Variants in FLNB observed in about 807,000 individuals in gnomAD.
FLNB encodes the protein filamin B, also known as filamin-B.
FLNB carries 111 observed loss-of-function variants against 250.6 expected under a neutral mutation model. The observed-to-expected ratio is 0.44, with a 90% CI of 0.38 to 0.52. The LOEUF (loss-of-function observed/expected upper bound fraction) is 0.52, where lower values mean the gene tolerates loss of function less well. Among genes scored for constraint, FLNB ranks in the 20% least tolerant of loss-of-function variants. The pLI is 0.00. For synonymous variants in FLNB, 1,302 were observed against 1,372.1 expected, an observed-to-expected ratio of 0.95 and a Z score of 1.13; for missense variants, 2,869 against 3,447.8, an observed-to-expected ratio of 0.83 and a Z score of 4.20.
chr3:58,157,885 C>T (rs1172764661), intron 41 of FLNB, among the ~76,000 whole-genome samples: 2 of 152,232 alleles, frequency 1.3e-5, no homozygotes, highest in African/African-American at 2.4e-5. Flanking sequence ...CAGGCTGTTT[C>T]TTAAGCTTTT....
At chr3:58,012,209 CAA>C (rs10608167) in intron 1 of FLNB, among the ~76,000 whole-genome samples, 2,365 of 105,896 alleles carry the variant, frequency 0.022, 50 homozygotes, top group African/African-American at 0.08. Flanking sequence ...GACTCTGACT[CAA>C]AAAAAAAAAA....
At chr3:58,120,802 T>C (rs1479417129) in intron 19 of FLNB, among the ~76,000 whole-genome samples, 1 of 152,192 alleles carries the variant, frequency 6.6e-6, no homozygotes, top group Non-Finnish European at 1.5e-5. Flanking sequence ...CAGCAAAGAT[T>C]GTGGGGTCAG....
At position 58,097,940 on chromosome 3, in the gene FLNB, C is replaced by G; in HGVS notation, c.1110C>G (p.Ile370Met). The G allele has an allele frequency of 6.2e-7, 1 of 1,614,106 alleles. No homozygotes were observed. The highest frequency in any genetic ancestry group is 8.5e-7 in the Non-Finnish European group (1 of 1,180,004). ...CAGGGTTGGAAGCTGTAGGGAACAT[C>G]GCCAATAAGCCCACCTACTTTGACA... ...KGPGLEAVGN[I>M]ANKPTYFDIY... Residue 370 changes from isoleucine (I) to methionine (M), a missense_variant, in exon 7 of 46, where the codon ATC becomes ATG. Ile to Met is a conservative substitution (Grantham distance 10). This residue lies in a region of FLNB where 1,348 missense variants were observed against 1,466.7 expected (regional missense o/e 0.92). Transcript: ENST00000295956.
At position 58,171,123 on chromosome 3, in the gene FLNB, T is replaced by C. The variant is rs1559747368; in HGVS notation, c.*361T>C. ...TGAGCTGCTGGTTCACTCTTCAGCA[T>C]TTATGAAACAAGGCTAGGGGAAGAT... On this transcript the variant is annotated 3_prime_UTR_variant, in exon 46 of 46. Transcript: ENST00000295956. The surrounding 1 kb of genome is among the most constrained non-coding windows in gnomAD (Gnocchi z 5.5). 3.8e-6 allele frequency: 1 copy of C among 259,880 alleles called. No homozygotes were observed. The highest frequency in any genetic ancestry group is 7.4e-6 in the Non-Finnish European group (1 of 134,446). The allele number at this position is 259,880 out of a possible 1,614,324, so 16.1% of individuals were successfully genotyped here.
At chr3:58,056,133 A>C (rs2097170209) in intron 1 of FLNB, among the ~76,000 whole-genome samples, 1 of 146,116 alleles carries the variant, frequency 6.8e-6, no homozygotes, top group Non-Finnish European at 1.5e-5. Context: ...GTGGAGTCTC[A>C]CTCTGTCGCC....
At chr3:58,021,002 A>C (rs887443906) in intron 1 of FLNB, among the ~76,000 whole-genome samples, 2 of 152,044 alleles carry the variant, frequency 1.3e-5, no homozygotes, top group Non-Finnish European at 2.9e-5. Flanking sequence ...TTGGTGGCTA[A>C]AATAGGATTT....
rs138957329 is a variant in FLNB at position 58,060,352 on chromosome 3, C to CT, written c.293-16675dup. Among the ~76,000 whole-genome samples the CT allele has an allele frequency of 4.7e-3, 642 of 136,062 alleles. 4 individuals carry two copies. Among genetic ancestry groups the CT allele is most frequent in the African/African-American group, 0.012 (453 of 36,680 alleles). The allele number at this position is 136,062 out of a possible 152,430, so 89.3% of individuals were successfully genotyped here. A position where few individuals can be genotyped will look rare whatever the true frequency, so the allele number is the denominator to read the frequency against. On this transcript the variant is annotated intron_variant, in intron 1 of 45. Transcript: ENST00000295956. ...GGCAACATGGTGAGACCCTGTCTCT[C>CT]TTTTTTTTTTTTTTTTTTTGAGATG...
At chr3:58,163,618 C>T (rs1046778056) in intron 43 of FLNB, 10 of 460,742 alleles carry the variant, frequency 2.2e-5, no homozygotes, top group African/African-American at 2.0e-4. Context: ...GAACAGGATG[C>T]TGATAGTCAG....
chr3:58,114,629 G>A (rs1414365981), intron 18 of FLNB, among the ~76,000 whole-genome samples: 1 of 151,690 alleles, frequency 6.6e-6, no homozygotes, highest in East Asian at 1.9e-4. Context: ...CACAGTGGCT[G>A]CACTACTTTA....
At chr3:58,094,548 A>G (rs2097234535) in intron 4 of FLNB, among the ~76,000 whole-genome samples, 1 of 152,254 alleles carries the variant, frequency 6.6e-6, no homozygotes, top group Admixed American at 6.5e-5. Context: ...TGCTTCCATC[A>G]AGGCAAGCTC....
rs1429365220 is a variant in FLNB at position 58,123,136 on chromosome 3, A to G, written c.3170A>G (p.Lys1057Arg). The change falls in exon 21 of 46, where the codon AAG (lysine) becomes AGG (arginine). Residue 1057 changes from lysine (K) to arginine (R), a missense_variant. Transcript: ENST00000295956. Reference protein sequence around the residue: ...GPGLEGGLVGKPAEFTIDTKG... With the variant: ...GPGLEGGLVGRPAEFTIDTKG... Reference sequence around the variant, plus strand: ...GGCCTCGAAGGTGGTCTCGTGGGCAAGCCTGCCGAGTTCACCATCGATACC... The same window carrying G: ...GGCCTCGAAGGTGGTCTCGTGGGCAGGCCTGCCGAGTTCACCATCGATACC... 4 of 1,614,210 alleles carry G rather than the reference A, an allele frequency of 2.5e-6. No individual in the cohort carries two copies. Among genetic ancestry groups the G allele is most frequent in the Middle Eastern group, 1.6e-4 (1 of 6,062 alleles).
Position 58,135,934 on chromosome 3 carries a change from T to C in FLNB, c.4672-45T>C, listed in dbSNP as rs1158672112. The C allele has an allele frequency of 1.9e-6, 3 of 1,592,758 alleles. No homozygotes were observed. In the South Asian group the frequency reaches 3.4e-5, roughly 18 times the overall value. On this transcript the variant is annotated intron_variant, in intron 27 of 45. Transcript: ENST00000295956. ...GTCAGGGTTTTCCATGAATGTTTTC[T>C]ACATCTTGACAACATCCTAAATAGC...
chr3:58,130,951 A>G (rs1195249305), intron 25 of FLNB, 43 bp downstream of exon 25: 2 of 1,575,236 alleles, frequency 1.3e-6, no homozygotes, highest in East Asian at 2.3e-5. Context: ...CATCTGCCCC[A>G]GGCAGGGGCA....
intron 16 of FLNB, among the ~76,000 whole-genome samples, chr3:58,110,457 AT>A (rs146712704): frequency 4.9e-5 from 7 of 142,782 alleles, no homozygotes; most frequent in South Asian, 2.2e-4. Flanking sequence ...TTATTTTTTT[AT>A]TTTTTTTTTG....
At position 58,144,284 on chromosome 3, in the gene FLNB, G is replaced by T. The variant is rs1372035655; in HGVS notation, c.5425+671G>T. ...TTTTTTATTTTTTTGTGGAGATAGG[G>T]TCTCACTGTGTTGCACAGATTGGTC... On this transcript the variant is annotated intron_variant, in intron 32 of 45. Transcript: ENST00000295956. 2.6e-5 allele frequency among the ~76,000 whole-genome samples: 4 copies of T among 152,040 alleles called. No homozygotes were observed. The East Asian group carries it at 7.7e-4, about 29-fold the overall frequency.
chr3:58,137,230 T>G (rs933602595), intron 28 of FLNB, among the ~76,000 whole-genome samples: 4 of 152,230 alleles, frequency 2.6e-5, no homozygotes, highest in Non-Finnish European at 5.9e-5. Context: ...GGCAAGGTTG[T>G]GAATTGCTCA....
chr3:58,058,721 G>A lies in FLNB; in HGVS notation c.293-18325G>A, dbSNP rs556088758. 6.6e-5 allele frequency among the ~76,000 whole-genome samples: 10 copies of A among 152,268 alleles called. No individual in the cohort carries two copies. In the South Asian group the frequency reaches 2.1e-3, roughly 32 times the overall value. On this transcript the variant is annotated intron_variant, in intron 1 of 45. Transcript: ENST00000295956. Reference sequence around the variant, plus strand: ...GCAAAACTTCTTGAATCCAAATAGCGAGATTCTCATTTCTTAATCACTGCC... The same window carrying A: ...GCAAAACTTCTTGAATCCAAATAGCAAGATTCTCATTTCTTAATCACTGCC...
intron 23 of FLNB, 57 bp from the exon 24 acceptor site, chr3:58,126,545 A>G: frequency 6.4e-7 from 1 of 1,574,064 alleles, no homozygotes; most frequent in African/African-American, 1.4e-5. Context: ...TTTTGGCAAT[A>G]AGCAGACCAG....
intron 25 of FLNB, chr3:58,132,291 G>T: frequency 4.2e-6 from 2 of 472,856 alleles, no homozygotes; most frequent in Non-Finnish European, 7.7e-6. Context: ...CATGAGATTG[G>T]CACCCTCACC....
Sources: allele counts gnomAD v4.1 joint callset (sites outside exome capture counted in the v4.1 genomes callset), GRCh38; gene constraint gnomAD v4.1.1; regional missense constraint gnomAD v4.1.1; non-coding constraint Gnocchi (gnomAD v3.1); transcripts MANE v1.5; gene names NCBI Gene and HGNC (gene_info 2026-07-23, HGNC 2026-07-21).